KLF12: variants seen among roughly 807,000 people sequenced by gnomAD.
KLF12 encodes the protein Krueppel-like factor 12.
KLF12 carries 9 observed loss-of-function variants against 37.8 expected under a neutral mutation model. That is an observed-to-expected ratio of 0.24 (90% CI 0.14 to 0.42). The LOEUF (loss-of-function observed/expected upper bound fraction) is 0.42. Among genes scored for constraint, KLF12 ranks in the 10% least tolerant of loss-of-function variants. The pLI, the probability that KLF12 is intolerant of heterozygous loss-of-function variation, is 1.00. For missense variants in KLF12, 411 were observed against 516.0 expected (o/e 0.80, Z 1.97); for synonymous variants, 208 against 202.1 (o/e 1.03, Z -0.25).
chr13:73,784,631 CTTTTTTT>C (rs555038538), intron 5 of KLF12, among the ~76,000 whole-genome samples: 1 of 136,840 alleles, frequency 7.3e-6, no homozygotes, highest in Admixed American at 7.4e-5. Flanking sequence ...TCCTCATCTC[CTTTTTTT>C]TTTTTTTTTT....
intron 1 of KLF12, among the ~76,000 whole-genome samples, chr13:74,000,846 T>C (rs927079069): frequency 6.6e-6 from 1 of 152,218 alleles, no homozygotes; most frequent in African/African-American, 2.4e-5. Context: ...GAATTAAGCA[T>C]TTCTTTTACA....
chr13:73,979,834 G>C (rs1891643817), intron 2 of KLF12, among the ~76,000 whole-genome samples: 1 of 152,118 alleles, frequency 6.6e-6, no homozygotes, highest in African/African-American at 2.4e-5. Context: ...TAGAGATAGG[G>C]ACTTCAGAAG....
At chr13:74,135,037 G>A (rs1419045943), upstream of KLF12, among the ~76,000 whole-genome samples, 1 of 151,472 alleles carries the variant, frequency 6.6e-6, no homozygotes, top group Admixed American at 6.6e-5. Flanking sequence ...GCAGCCCCGC[G>A]GGCGGTGCCC....
At chr13:73,801,104 A>G (rs1307360143) in intron 5 of KLF12, 1 of 152,112 alleles carries the variant, frequency 6.6e-6, no homozygotes. Flanking sequence ...CTCTTACCCA[A>G]GATTTTTCTA....
chr13:74,101,764 G>C (rs559607189), intron 1 of KLF12, among the ~76,000 whole-genome samples: 1 of 152,158 alleles, frequency 6.6e-6, no homozygotes, highest in Non-Finnish European at 1.5e-5. Context: ...AGTAAACTAG[G>C]AATCTGTGAC....
chr13:73,930,498 GT>G (rs927264147), intron 3 of KLF12, among the ~76,000 whole-genome samples: 1 of 152,136 alleles, frequency 6.6e-6, no homozygotes, highest in Non-Finnish European at 1.5e-5. Flanking sequence ...GAAATTGAAA[GT>G]TTTTTAAAAA....
chr13:74,255,175 A>G, the KLF12 span, among the ~76,000 whole-genome samples: 7 of 152,310 alleles, frequency 4.6e-5, no homozygotes, highest in East Asian at 1.9e-4. Context: ...GACCATTTTT[A>G]TTATTCATTT....
At position 73,944,051 on chromosome 13, in the gene KLF12, T is replaced by C. The variant is rs765691786; in HGVS notation, c.53A>G (p.Asn18Ser). The C allele has an allele frequency of 6.2e-6, 10 of 1,609,890 alleles. No homozygotes were observed. In the South Asian group the frequency reaches 9.9e-5, roughly 16 times the overall value. ...CATCCCATCAAGCATTAACATTCTG[T>C]TCTCAAAGGTGTTGATATTCTGAGA... Residue 18 changes from asparagine (N) to serine (S), a missense_variant, in exon 3 of 8, where the codon AAC becomes AGC. Asn to Ser is a conservative substitution (Grantham distance 46, BLOSUM62 1). Around this residue, in one of 2 missense-constraint regions of KLF12, gnomAD observed 351 missense variants for 397.8 expected, o/e 0.88. Transcript: ENST00000377669.
chr13:74,147,615 C>A, the KLF12 span, among the ~76,000 whole-genome samples: 2 of 152,172 alleles, frequency 1.3e-5, no homozygotes, highest in Non-Finnish European at 2.9e-5. Context: ...CCGCCCAGAA[C>A]TCCTGCAACA....
At chr13:74,125,517 C>A (rs1877893928) in intron 1 of KLF12, among the ~76,000 whole-genome samples, 1 of 152,136 alleles carries the variant, frequency 6.6e-6, no homozygotes, top group Admixed American at 6.5e-5. Context: ...ATAACTGAGG[C>A]ATGTTCTAAT....
At chr13:74,060,522 G>GTGTGTGTT (rs1484296708) in intron 1 of KLF12, among the ~76,000 whole-genome samples, 9 of 146,976 alleles carry the variant, frequency 6.1e-5, no homozygotes, top group Non-Finnish European at 1.2e-4. Context: ...GTGTGTGTGT[G>GTGTGTGTT]TGTGTGTGTT....
intron 1 of KLF12, among the ~76,000 whole-genome samples, chr13:74,048,495 A>C (rs1893606085): frequency 6.6e-6 from 1 of 152,142 alleles, no homozygotes; most frequent in Admixed American, 6.5e-5. Context: ...GGAATCCCAT[A>C]CAGCAATGAC....
chr13:74,016,406 C>G (rs1892689556), intron 1 of KLF12, among the ~76,000 whole-genome samples: 1 of 152,160 alleles, frequency 6.6e-6, no homozygotes, highest in Non-Finnish European at 1.5e-5. Flanking sequence ...GTCACCCAGG[C>G]TGGAGTGCAA....
intron 1 of KLF12, among the ~76,000 whole-genome samples, chr13:74,074,150 G>C (rs1362227609): frequency 6.6e-6 from 1 of 151,978 alleles, no homozygotes; most frequent in African/African-American, 2.4e-5. Flanking sequence ...TCATTCGAGA[G>C]AGAGAGAGAG....
chr13:74,021,179 G>C (rs919939125), intron 1 of KLF12, among the ~76,000 whole-genome samples: 1 of 152,038 alleles, frequency 6.6e-6, no homozygotes, highest in African/African-American at 2.4e-5. Flanking sequence ...AAGAATGATT[G>C]GTGTCATGAG....
the KLF12 span, among the ~76,000 whole-genome samples, chr13:74,197,388 T>C: frequency 6.6e-6 from 1 of 152,160 alleles, no homozygotes; most frequent in Admixed American, 6.6e-5. Context: ...TGAGGTTAAC[T>C]GGTATGTAAA....
At chr13:74,193,069 C>G in the KLF12 span, among the ~76,000 whole-genome samples, 904 of 146,406 alleles carry the variant, frequency 6.2e-3, 8 homozygotes, top group Non-Finnish European at 8.8e-3. Flanking sequence ...ACCTGCGGTT[C>G]CCGGGTTCAA....
At chr13:73,825,353 A>T (rs1883778678) in intron 4 of KLF12, among the ~76,000 whole-genome samples, 1 of 152,102 alleles carries the variant, frequency 6.6e-6, no homozygotes, top group Non-Finnish European at 1.5e-5. Flanking sequence ...TCCGGAAATG[A>T]CTCTTGAAGA....
At chr13:74,250,584 G>C in the KLF12 span, among the ~76,000 whole-genome samples, 142 of 152,108 alleles carry the variant, frequency 9.3e-4, no homozygotes, top group Non-Finnish European at 1.8e-3. Context: ...TAGGCTTCTT[G>C]GTGAGGAAGC....
Sources: allele counts gnomAD v4.1 joint callset (sites outside exome capture counted in the v4.1 genomes callset), GRCh38; gene constraint gnomAD v4.1.1; regional missense constraint gnomAD v4.1.1; transcripts MANE v1.5; gene names NCBI Gene and HGNC (gene_info 2026-07-23, HGNC 2026-07-21).